The following FMN1 variants were observed in gnomAD, a reference collection of about 807,000 sequenced individuals.
FMN1 encodes the protein formin-1.
In FMN1, 110 loss-of-function variants were observed where a neutral mutation model predicts 132.4. The observed-to-expected ratio is 0.83, with a 90% confidence interval of 0.71 to 0.97. The LOEUF (loss-of-function observed/expected upper bound fraction) is 0.97. FMN1 is among the 50% of genes least tolerant of loss of function. FMN1 has a pLI of 0.00. For synonymous variants in FMN1, 722 were observed against 651.7 expected (o/e 1.11, Z -1.64); for missense variants, 1,792 against 1,705.3 (o/e 1.05, Z -0.90).
intron 5 of FMN1, among the ~76,000 whole-genome samples, chr15:33,078,797 G>GGA (rs376480199): frequency 6.6e-6 from 1 of 152,038 alleles, no homozygotes; most frequent in South Asian, 2.1e-4. Flanking sequence ...CCTTCATCCT[G>GGA]GAGAGAGAGA....
intron 6 of FMN1, among the ~76,000 whole-genome samples, chr15:33,052,693 T>TA (rs573546750): frequency 3.0e-4 from 46 of 152,274 alleles, no homozygotes; most frequent in African/African-American, 7.7e-4. Context: ...ACCTCAAAGC[T>TA]AAAGACAGTT....
chr15:33,076,568 T>G (rs2038218281), intron 5 of FMN1, among the ~76,000 whole-genome samples: 1 of 152,130 alleles, frequency 6.6e-6, no homozygotes, highest in Non-Finnish European at 1.5e-5. Context: ...ATGCATGCTG[T>G]TCCAAGTAGG....
At chr15:32,825,103 A>G (rs927510649) in intron 17 of FMN1, among the ~76,000 whole-genome samples, 4 of 152,202 alleles carry the variant, frequency 2.6e-5, no homozygotes, top group Non-Finnish European at 5.9e-5. Flanking sequence ...GAATTCATCC[A>G]TACTTTTCCA....
rs772625854 is a variant in FMN1, at chr15:32,969,364, C to T, written c.2337G>A (p.Gly779=). Residue 779 remains glycine (G), a synonymous_variant, in exon 8 of 21, where the codon GGG becomes GGA. Transcript: ENST00000616417. ...LKHELEHRWR[G]GCEERKDVCI... is the part of the protein sequence containing the mutation. ...ACACATCTTTCCTCTCTTCACAACC[C>T]CCTCGCCATCTGTGTTCTAGCTCGT... 26 of 1,613,944 alleles carry T rather than the reference C, an allele frequency of 1.6e-5. No homozygotes were observed. The highest frequency in any genetic ancestry group is 2.2e-5 in the Non-Finnish European group (26 of 1,179,894).
chr15:32,953,532 G>A (rs2061697700), intron 9 of FMN1, among the ~76,000 whole-genome samples: 1 of 152,168 alleles, frequency 6.6e-6, no homozygotes, highest in Non-Finnish European at 1.5e-5. Flanking sequence ...AGGGAAATCA[G>A]GTCAGGTCTA....
chr15:32,927,507 C>A (rs1420552481), intron 9 of FMN1, among the ~76,000 whole-genome samples: 1 of 152,178 alleles, frequency 6.6e-6, no homozygotes, highest in Non-Finnish European at 1.5e-5. Context: ...CATCCTCCCA[C>A]CTTGGTCTCC....
chr15:32,908,245 A>T, intron 12 of FMN1: 1 of 410,480 alleles, frequency 2.4e-6, no homozygotes, highest in Non-Finnish European at 4.4e-6. Flanking sequence ...AGTTGCTAGA[A>T]AAAGAAAGGG....
chr15:33,100,840 C>T (rs1362768079), intron 4 of FMN1, among the ~76,000 whole-genome samples: 2 of 152,034 alleles, frequency 1.3e-5, no homozygotes, highest in Non-Finnish European at 2.9e-5. Flanking sequence ...AAACAAAACA[C>T]CATCGATTGT....
chr15:32,977,479 G>A (rs906653143), intron 7 of FMN1, among the ~76,000 whole-genome samples: 21 of 152,308 alleles, frequency 1.4e-4, no homozygotes, highest in African/African-American at 4.8e-4. Flanking sequence ...GGTGGAAAAA[G>A]CATTGGGTTC....
intron 5 of FMN1, among the ~76,000 whole-genome samples, chr15:33,075,721 G>C (rs2038181855): frequency 6.6e-6 from 1 of 152,112 alleles, no homozygotes; most frequent in Admixed American, 6.6e-5. Flanking sequence ...TTTCTCATGA[G>C]AAAAAGCATG....
intron 9 of FMN1, among the ~76,000 whole-genome samples, chr15:32,935,830 G>T (rs144705354): frequency 1.6e-3 from 251 of 152,162 alleles, no homozygotes; most frequent in Admixed American, 5.2e-3. Flanking sequence ...GTTTCACCAC[G>T]TTGGGCATGC....
At chr15:33,085,594 A>G (rs945031583) in intron 5 of FMN1, among the ~76,000 whole-genome samples, 42 of 149,418 alleles carry the variant, frequency 2.8e-4, no homozygotes, top group African/African-American at 1.0e-3. Context: ...CATATATGTA[A>G]TATATAAATA....
chr15:32,991,041 A>G (rs1000471948), intron 7 of FMN1, among the ~76,000 whole-genome samples: 3 of 152,216 alleles, frequency 2.0e-5, no homozygotes, highest in African/African-American at 7.2e-5. Context: ...AAAGAGCAGA[A>G]GCAGCAGTAG....
intron 7 of FMN1, among the ~76,000 whole-genome samples, chr15:32,981,518 A>AAATAATAATAATAATAATAATAATAAT: frequency 7.1e-6 from 1 of 140,638 alleles, no homozygotes; most frequent in African/African-American, 2.7e-5. Flanking sequence ...ACTCCATCTC[A>AAATAATAATAATAATAATAATAATAAT]AATAATAATA....
chr15:32,977,817 G>A (rs942363687), intron 7 of FMN1, among the ~76,000 whole-genome samples: 1 of 151,352 alleles, frequency 6.6e-6, no homozygotes, highest in Non-Finnish European at 1.5e-5. Context: ...ATTCAAGAAG[G>A]TACTCTGAAA....
At chr15:33,064,245 A>G (rs908097605) in intron 6 of FMN1, 3 of 152,242 alleles carry the variant, frequency 2.0e-5, no homozygotes, top group Non-Finnish European at 4.4e-5. Flanking sequence ...GTAATCTCCA[A>G]ATATCAGGAA....
intron 6 of FMN1, among the ~76,000 whole-genome samples, chr15:33,054,056 C>T (rs12914708): frequency 6.6e-6 from 1 of 152,120 alleles, no homozygotes; most frequent in East Asian, 1.9e-4. Flanking sequence ...AACCCTCTAA[C>T]GAAGATGTGA....
At chr15:32,784,939 ATT>A (rs2056802127) in intron 19 of FMN1, among the ~76,000 whole-genome samples, 1 of 152,040 alleles carries the variant, frequency 6.6e-6, no homozygotes, top group African/African-American at 2.4e-5. Flanking sequence ...CAGAATGAAA[ATT>A]AAATAGAGCT....
chr15:32,812,918 A>G (rs2057933698), intron 17 of FMN1, among the ~76,000 whole-genome samples: 1 of 152,226 alleles, frequency 6.6e-6, no homozygotes, highest in Non-Finnish European at 1.5e-5. Flanking sequence ...ACAATTTCAG[A>G]GATCACAATA....
Sources: allele counts gnomAD v4.1 joint callset (sites outside exome capture counted in the v4.1 genomes callset), GRCh38; gene constraint gnomAD v4.1.1; transcripts MANE v1.5; gene names NCBI Gene and HGNC (gene_info 2026-07-23, HGNC 2026-07-21).